Variants in PCDHA12 observed in about 807,000 individuals in gnomAD.
PCDHA12 encodes protocadherin alpha-12.
PCDHA12 carries 44 observed loss-of-function variants against 60.0 expected under a neutral mutation model. The ratio of observed to expected loss-of-function variants is 0.73; its 90% CI spans 0.58 to 0.94. The LOEUF (loss-of-function observed/expected upper bound fraction) is 0.94, where lower values mean the gene tolerates loss of function less well. Ranked by LOEUF, PCDHA12 falls within the 40% of genes least tolerant of loss-of-function variation. The pLI is 0.00. For missense variants in PCDHA12, 1,276 were observed against 1,239.7 expected (o/e 1.03, Z -0.44); for synonymous variants, 569 against 553.0 (o/e 1.03, Z -0.40).
chr5:140,883,568 T>C, intron 1 of PCDHA12: 3 of 1,614,110 alleles, frequency 1.9e-6, no homozygotes, highest in Non-Finnish European at 2.5e-6. Context: ...GGGCTCGCCT[T>C]CGCTGTGGGC....
At chr5:140,892,021 G>T (rs2063355611) in intron 1 of PCDHA12, among the ~76,000 whole-genome samples, 1 of 152,160 alleles carries the variant, frequency 6.6e-6, no homozygotes, top group Non-Finnish European at 1.5e-5. Context: ...AGCACAAATG[G>T]TCTAAGATAC....
At chr5:140,914,802 T>C (rs2076849351) in intron 1 of PCDHA12, among the ~76,000 whole-genome samples, 1 of 152,202 alleles carries the variant, frequency 6.6e-6, no homozygotes, top group African/African-American at 2.4e-5. Flanking sequence ...TTTAAACTGA[T>C]GGCAACTTAA....
At chr5:140,882,844 A>G in intron 1 of PCDHA12, 1 of 1,614,248 alleles carries the variant, frequency 6.2e-7, no homozygotes, top group Non-Finnish European at 8.5e-7. Flanking sequence ...TGTCTTCATT[A>G]TCACTTGTAC....
chr5:140,882,036 G>C, intron 1 of PCDHA12: 1 of 646,228 alleles, frequency 1.5e-6, no homozygotes. Context: ...AAAATATGAA[G>C]ACTGAGTCAT....
intron 3 of PCDHA12, among the ~76,000 whole-genome samples, chr5:141,006,417 G>A (rs1010340395): frequency 6.6e-6 from 1 of 152,030 alleles, no homozygotes; most frequent in Admixed American, 6.6e-5. Flanking sequence ...GTTTCACTGT[G>A]TTAGCCAGGA....
At chr5:140,932,113 T>G (rs2088043197) in intron 1 of PCDHA12, among the ~76,000 whole-genome samples, 1 of 151,918 alleles carries the variant, frequency 6.6e-6, no homozygotes, top group South Asian at 2.1e-4. Flanking sequence ...TATTTCCAAT[T>G]GATAATATTT....
chr5:140,911,666 C>G (rs2075593137), intron 1 of PCDHA12, among the ~76,000 whole-genome samples: 1 of 152,168 alleles, frequency 6.6e-6, no homozygotes, highest in East Asian at 1.9e-4. Flanking sequence ...AACTCCTTGC[C>G]TCTCACGAAC....
At chr5:140,994,753 G>T (rs143791883) in intron 3 of PCDHA12, among the ~76,000 whole-genome samples, 6 of 152,252 alleles carry the variant, frequency 3.9e-5, no homozygotes, top group Non-Finnish European at 7.3e-5. Context: ...AGTAGGATGT[G>T]GAGAGGAAGA....
intron 1 of PCDHA12, among the ~76,000 whole-genome samples, chr5:140,881,717 G>A (rs374516377): frequency 2.6e-5 from 4 of 152,160 alleles, no homozygotes; most frequent in African/African-American, 9.7e-5. Flanking sequence ...GTGTGAGGAG[G>A]TCTTGAAAAA....
chr5:140,941,239 C>CTTTCTTTCTTTCTTTA (rs2092937531), intron 1 of PCDHA12, among the ~76,000 whole-genome samples: 1 of 134,502 alleles, frequency 7.4e-6, no homozygotes, highest in African/African-American at 2.9e-5. Context: ...TTCTTTCTTT[C>CTTTCTTTCTTTCTTTA]TTTCTTTCTT....
intron 1 of PCDHA12, among the ~76,000 whole-genome samples, chr5:140,891,360 G>T (rs2063061562): frequency 6.6e-6 from 1 of 151,060 alleles, no homozygotes; most frequent in Admixed American, 6.6e-5. Context: ...CATCACCTGA[G>T]CAGTATACAT....
In PCDHA12 at chr5:140,877,326, G is replaced by A; in HGVS notation, c.1854G>A (p.Ala618=). ...SYELQPAAVG[A]HIPFHVGLYT... Reference sequence around the variant, plus strand: ...AGTTGCAACCGGCGGCGGTCGGCGCGCACATCCCGTTCCACGTGGGGCTGT... The same window carrying A: ...AGTTGCAACCGGCGGCGGTCGGCGCACACATCCCGTTCCACGTGGGGCTGT... Residue 618 remains alanine, a synonymous_variant, in exon 1 of 4, where the codon GCG becomes GCA. Coordinates refer to ENST00000398631, the MANE Select transcript of PCDHA12 (RefSeq NM_018903.4). 1.9e-6 allele frequency: 3 copies of A among 1,613,964 alleles called. No homozygotes were observed.
intron 3 of PCDHA12, among the ~76,000 whole-genome samples, chr5:140,994,980 C>A (rs1311252472): frequency 4.6e-5 from 7 of 151,992 alleles, no homozygotes; most frequent in Admixed American, 1.3e-4. Flanking sequence ...CCATGGAGAC[C>A]CACTAGAAGG....
At chr5:140,960,067 A>T (rs1423900287) in intron 1 of PCDHA12, among the ~76,000 whole-genome samples, 1 of 152,228 alleles carries the variant, frequency 6.6e-6, no homozygotes, top group East Asian at 1.9e-4. Context: ...AGAAGATTCA[A>T]TTGAAGTTTC....
Position 140,875,888 on chromosome 5 carries a change from A to G in PCDHA12, c.416A>G (p.Lys139Arg), listed in dbSNP as rs782107591. Reference sequence around the variant, plus strand: ...CCGGTGTTCAGAGAAAGGGAACAAAAGGTACCTGTTTCTGAATCTGCGCCT... The same window carrying G: ...CCGGTGTTCAGAGAAAGGGAACAAAGGGTACCTGTTTCTGAATCTGCGCCT... ...NPPVFREREQ[K>R]VPVSESAPLD... Residue 139 changes from lysine (K) to arginine (R), a missense_variant, in exon 1 of 4, where the codon AAG (lysine) becomes AGG (arginine). Physicochemically the swap from Lys to Arg is conservative, Grantham distance 26. Coordinates refer to ENST00000398631, the MANE Select transcript of PCDHA12 (RefSeq NM_018903.4). The G allele has an allele frequency of 1.9e-6, 3 of 1,614,076 alleles. No homozygotes were observed. Among genetic ancestry groups the G allele is most frequent in the Non-Finnish European group, 2.5e-6 (3 of 1,180,038 alleles).
intron 1 of PCDHA12, among the ~76,000 whole-genome samples, chr5:140,914,983 G>C (rs2076933598): frequency 7.2e-6 from 1 of 139,166 alleles, no homozygotes; most frequent in Non-Finnish European, 1.5e-5. Context: ...GTCTTGCTCT[G>C]CTACCAGGCT....
chr5:140,944,689 A>T (rs1360975363), intron 1 of PCDHA12, among the ~76,000 whole-genome samples: 1 of 152,226 alleles, frequency 6.6e-6, no homozygotes, highest in Non-Finnish European at 1.5e-5. Context: ...TCCTATTAAT[A>T]ACAGTAATTA....
At chr5:140,912,312 T>C (rs2075860793) in intron 1 of PCDHA12, among the ~76,000 whole-genome samples, 1 of 151,960 alleles carries the variant, frequency 6.6e-6, no homozygotes, top group African/African-American at 2.4e-5. Flanking sequence ...TCCAGTCAAG[T>C]TGACCCTCAG....
At chr5:140,931,390 G>A (rs1296292494) in intron 1 of PCDHA12, among the ~76,000 whole-genome samples, 1 of 152,038 alleles carries the variant, frequency 6.6e-6, no homozygotes, top group Non-Finnish European at 1.5e-5. Flanking sequence ...GGAAACATAA[G>A]TAAGCGATAG....
Sources: gnomAD v4.1 joint callset for allele counts (sites outside exome capture counted in the v4.1 genomes callset) on GRCh38, gnomAD v4.1.1 for gene constraint, MANE v1.5 for transcripts, NCBI Gene and HGNC (gene_info 2026-07-23, HGNC 2026-07-21) for gene names.